HPS4: variants seen among roughly 807,000 people sequenced by gnomAD.
HPS4 encodes HPS4 biogenesis of lysosomal organelles complex 3 subunit 2.
A neutral mutation model predicts 70.3 loss-of-function variants in HPS4; 44 were observed. The observed-to-expected ratio is 0.63, with a 90% confidence interval of 0.49 to 0.80. The LOEUF (loss-of-function observed/expected upper bound fraction) is 0.80. Among genes scored for constraint, HPS4 ranks in the 30% least tolerant of loss-of-function variants. The pLI, the probability that HPS4 is intolerant of heterozygous loss-of-function variation, is 0.00. For missense variants in HPS4, 873 were observed against 884.4 expected (o/e 0.99, Z 0.16); for synonymous variants, 377 against 355.9 (o/e 1.06, Z -0.67).
chr22:26,479,661 A>G, intron 2 of HPS4: 1 of 1,239,302 alleles, frequency 8.1e-7, no homozygotes, highest in Non-Finnish European at 1.0e-6. Context: ...ACTGAACCTT[A>G]ACTATACAAC....
intron 7 of HPS4, among the ~76,000 whole-genome samples, chr22:26,469,520 A>AT (rs1173525730): frequency 6.6e-6 from 1 of 151,740 alleles, no homozygotes; most frequent in Admixed American, 6.6e-5. Flanking sequence ...TCCTCTATTG[A>AT]TTGATTTGTT....
rs765442752 is a variant in HPS4, at chr22:26,453,209, T to C, written c.*24A>G. On this transcript the variant is annotated 3_prime_UTR_variant, in exon 14 of 14. Coordinates refer to ENST00000398145, the MANE Select transcript of HPS4 (RefSeq NM_022081.6). Reference sequence around the variant, plus strand: ...GAGCTTCCTTTGCTGGTTTTCTCCTTCCCAGTCACCTCCTGGGTGCAGTTC... The same window carrying C: ...GAGCTTCCTTTGCTGGTTTTCTCCTCCCCAGTCACCTCCTGGGTGCAGTTC... 23 of 1,612,618 alleles carry C rather than the reference T, an allele frequency of 1.4e-5. 1 individual carries two copies. The South Asian group carries it at 2.5e-4, about 18-fold the overall frequency.
intron 3 of HPS4, chr22:26,444,898 G>A (rs41281583): frequency 9.2e-5 from 14 of 152,278 alleles, no homozygotes; most frequent in Admixed American, 2.6e-4. Flanking sequence ...TCTACACATC[G>A]TGACTGCTCT....
chr22:26,465,640 C>A, intron 9 of HPS4, 89 bp from the exon 10 acceptor site: 1 of 1,084,356 alleles, frequency 9.2e-7, no homozygotes, highest in Non-Finnish European at 1.4e-6. Flanking sequence ...TGCATCCAAC[C>A]CACACGTGGG....
chr22:26,461,617 A>G (rs2087286031), intron 11 of HPS4, among the ~76,000 whole-genome samples: 1 of 152,148 alleles, frequency 6.6e-6, no homozygotes, highest in African/African-American at 2.4e-5. Flanking sequence ...GCCCTTGCAA[A>G]AGGGGTGTGC....
At chr22:26,459,355 T>C (rs2086812628) in intron 11 of HPS4, among the ~76,000 whole-genome samples, 1 of 152,258 alleles carries the variant, frequency 6.6e-6, no homozygotes, top group South Asian at 2.1e-4. Flanking sequence ...TTGAAAAGAC[T>C]GGACTAAACT....
chr22:26,465,636 C>A, intron 9 of HPS4, 85 bp from the exon 10 acceptor site: 1 of 1,123,818 alleles, frequency 8.9e-7, no homozygotes, highest in Non-Finnish European at 1.3e-6. Context: ...GTGATGCATC[C>A]AACCCACACG....
intron 4 of HPS4, chr22:26,475,704 G>A (rs2090450877): frequency 6.6e-6 from 1 of 151,572 alleles, no homozygotes; most frequent in South Asian, 2.1e-4. Context: ...GTATCTGTGT[G>A]GAGAGTACAC....
downstream of HPS4, among the ~76,000 whole-genome samples, chr22:26,449,727 G>A (rs1423002007): frequency 2.0e-5 from 3 of 152,148 alleles, no homozygotes; most frequent in Non-Finnish European, 2.9e-5. Context: ...GTGGCTCGGC[G>A]CTACTGAGAG....
At chr22:26,453,531 T>A in intron 13 of HPS4, 127 bp from the exon 14 acceptor site, 2 of 944,664 alleles carry the variant, frequency 2.1e-6, no homozygotes, top group Non-Finnish European at 3.4e-6. Flanking sequence ...GCAGCTGTCA[T>A]GGCACGGAAT....
Position 26,464,810 on chromosome 22 carries a change from C to A in HPS4, c.820G>T (p.Ala274Ser). The stretch of plus-strand genomic sequence containing the variant: ...TGGGCTGAACCATCCTGGAGTCCTG[C>A]TGGAGATGCTAGAGACCTGGCAAAC... The part of the protein sequence containing the change: ...EQMTRSLASP[A>S]GLQDGSAQHH... The change falls in exon 11 of 14, where the codon GCA (alanine) becomes TCA (serine). Residue 274 changes from alanine to serine, a missense_variant. Transcript: ENST00000398145. 1 of 1,593,048 alleles carries A rather than the reference C, an allele frequency of 6.3e-7. No homozygotes were observed. Among genetic ancestry groups the A allele is most frequent in the South Asian group, 1.1e-5 (1 of 87,080 alleles).
chr22:26,472,688 G>A (rs2089999851), intron 5 of HPS4, 144 bp downstream of exon 5: 1 of 786,136 alleles, frequency 1.3e-6, no homozygotes, highest in African/African-American at 1.7e-5. Flanking sequence ...GGCATATGAG[G>A]GGCCTCCAAG....
Position 26,477,147 on chromosome 22 carries a change from G to A in HPS4, c.133-11C>T. 1 of 1,614,154 alleles carries A rather than the reference G, an allele frequency of 6.2e-7. No homozygotes were observed. Among genetic ancestry groups the A allele is most frequent in the Non-Finnish European group, 8.5e-7 (1 of 1,180,008 alleles). ...TTGGTCTAGCAGGGTCTGTGGGAAAGGAGCACATTCCAGATAGGAAGCTGA... is the reference window on the plus strand; with the variant it reads ...TTGGTCTAGCAGGGTCTGTGGGAAAAGAGCACATTCCAGATAGGAAGCTGA... On this transcript the variant is annotated splice_polypyrimidine_tract_variant and intron_variant, in intron 3 of 13. Coordinates refer to ENST00000398145, the MANE Select transcript of HPS4 (RefSeq NM_022081.6).
intron 12 of HPS4, 31 bp downstream of exon 12, chr22:26,458,414 C>T (rs768878482): frequency 1.4e-5 from 22 of 1,613,852 alleles, no homozygotes; most frequent in Non-Finnish European, 1.7e-5. Context: ...CTGGCATCCC[C>T]GTCGCCCCAG....
Position 26,453,323 on chromosome 22 carries a change from G to C in HPS4, c.2037C>G (p.Ser679Arg), listed in dbSNP as rs370493873. Reference protein sequence around the residue: ...YFQQLAPAARSSGFPNPQDGA... With the variant: ...YFQQLAPAARRSGFPNPQDGA... Reference sequence around the variant, plus strand: ...CATCCTGAGGGTTTGGGAAGCCGGAGCTCCGTGCTGCAGGTGCCAGCTGCT... The same window carrying C: ...CATCCTGAGGGTTTGGGAAGCCGGACCTCCGTGCTGCAGGTGCCAGCTGCT... Residue 679 changes from serine to arginine, a missense_variant, in exon 14 of 14, where the codon AGC becomes AGG. Ser to Arg is a moderately radical substitution (Grantham distance 110). Transcript: ENST00000398145. 2 of 1,614,214 alleles carry C rather than the reference G, an allele frequency of 1.2e-6. No homozygotes were observed. The highest frequency in any genetic ancestry group is 1.7e-6 in the Non-Finnish European group (2 of 1,180,036).
intron 4 of HPS4, chr22:26,475,948 T>C (rs1176687858): frequency 6.6e-6 from 1 of 151,948 alleles, no homozygotes; most frequent in Non-Finnish European, 1.5e-5. Flanking sequence ...GAGGCTGAGA[T>C]GGGAGGATCG....
At chr22:26,449,340 T>C (rs2085062756), downstream of HPS4, among the ~76,000 whole-genome samples, 1 of 146,820 alleles carries the variant, frequency 6.8e-6, no homozygotes, top group African/African-American at 2.5e-5. Flanking sequence ...TTTTTTTTTT[T>C]TTTTTTTGAG....
Position 26,464,272 on chromosome 22 carries a change from G to A in HPS4, c.1358C>T (p.Ala453Val). The A allele has an allele frequency of 1.2e-6, 2 of 1,614,106 alleles. No individual in the cohort carries two copies. The highest frequency in any genetic ancestry group is 2.2e-5 in the East Asian group (1 of 44,868). Residue 453 changes from alanine to valine, a missense_variant, in exon 11 of 14, where the codon GCC (alanine) becomes GTC (valine). Transcript: ENST00000398145. ...LEDHPGHSSQ[A>V]PIPRADPLPR... ...GAGAGGGTCTGCTCTGGGAATGGGG[G>A]CTTGGCTGCTATGGCCAGGATGGTC...
Position 26,464,637 on chromosome 22 carries a change from A to G in HPS4, c.993T>C (p.His331=), listed in dbSNP as rs769658980. 1.2e-6 allele frequency: 2 copies of G among 1,613,630 alleles called. No homozygotes were observed. Among genetic ancestry groups the G allele is most frequent in the Non-Finnish European group, 1.7e-6 (2 of 1,179,504 alleles). The stretch of plus-strand genomic sequence containing the variant: ...CTGCGGGCCTGATGCTCTCCAGATC[A>G]TGGCCAGACAAGCATCCGTTCTCCT... ...GRKENGCLSG[H]DLESIRPAGL... is the part of the protein sequence containing the mutation. The change falls in exon 11 of 14, where the codon CAT becomes CAC. Residue 331 remains histidine (H), a synonymous_variant. Transcript: ENST00000398145.
Sources: allele counts gnomAD v4.1 joint callset (sites outside exome capture counted in the v4.1 genomes callset), GRCh38; gene constraint gnomAD v4.1.1; transcripts MANE v1.5; gene names NCBI Gene and HGNC (gene_info 2026-07-23, HGNC 2026-07-21).